Variants in PRDM5 observed in about 807,000 individuals in gnomAD.
PRDM5 encodes PR domain zinc finger protein 5.
Under a neutral mutation model 81.2 loss-of-function variants are expected in PRDM5, and 56 were observed. The observed-to-expected ratio is 0.69, with a 90% CI of 0.56 to 0.86. PRDM5 has a LOEUF of 0.86. PRDM5 is among the 40% of genes least tolerant of loss of function. The pLI is 0.00. For missense variants in PRDM5, 697 were observed against 770.1 expected (o/e 0.91, Z 1.12); for synonymous variants, 267 against 256.4 (o/e 1.04, Z -0.39).
chr4:120,806,048 C>T (rs1299951032), intron 8 of PRDM5, among the ~76,000 whole-genome samples: 1 of 152,090 alleles, frequency 6.6e-6, no homozygotes, highest in Non-Finnish European at 1.5e-5. Flanking sequence ...TTCTTATACA[C>T]CAATAACAGA....
chr4:120,698,980 A>G (rs34563379), intron 15 of PRDM5, among the ~76,000 whole-genome samples: 26,156 of 151,576 alleles, frequency 0.17, 2,584 homozygotes, highest in Non-Finnish European at 0.24. Flanking sequence ...CACATGTACT[A>G]CTGTATTTAT....
intron 13 of PRDM5, among the ~76,000 whole-genome samples, chr4:120,765,300 T>C (rs1423715944): frequency 1.3e-5 from 2 of 152,206 alleles, no homozygotes; most frequent in Non-Finnish European, 2.9e-5. Context: ...GCCTACACAG[T>C]CGGTATCTAT....
intron 3 of PRDM5, among the ~76,000 whole-genome samples, chr4:120,831,829 A>T (rs998940470): frequency 5.4e-4 from 82 of 152,174 alleles, no homozygotes; most frequent in African/African-American, 1.9e-3. Context: ...ATAAAACTTA[A>T]GGTAAAATAA....
intron 14 of PRDM5, among the ~76,000 whole-genome samples, chr4:120,734,421 T>C (rs62325561): frequency 1.9e-3 from 263 of 138,146 alleles, no homozygotes; most frequent in Middle Eastern, 7.0e-3. Context: ...CACACACAAA[T>C]ACACACACAC....
At chr4:120,853,606 G>A in intron 2 of PRDM5, 66 bp from the exon 3 acceptor site, 2 of 1,602,164 alleles carry the variant, frequency 1.2e-6, no homozygotes, top group Non-Finnish European at 1.7e-6. Context: ...ACACATCAAG[G>A]TTAGGACATG....
At chr4:120,809,258 G>A (rs113262750) in intron 8 of PRDM5, among the ~76,000 whole-genome samples, 2 of 138,252 alleles carry the variant, frequency 1.4e-5, no homozygotes. Flanking sequence ...TGAGGGGAGG[G>A]GGGAGGGATA....
At chr4:120,709,681 G>A (rs1019394750) in intron 15 of PRDM5, among the ~76,000 whole-genome samples, 1 of 146,602 alleles carries the variant, frequency 6.8e-6, no homozygotes, top group African/African-American at 2.5e-5. Flanking sequence ...TCTGTCAACT[G>A]CCAATCCCGC....
chr4:120,821,089 C>T, intron 4 of PRDM5, 82 bp downstream of exon 4: 3 of 1,455,664 alleles, frequency 2.1e-6, no homozygotes, highest in Non-Finnish European at 2.9e-6. Context: ...TATTACAAGG[C>T]AACTATAATT....
At chr4:120,894,503 G>GT (rs1403180626) in intron 2 of PRDM5, among the ~76,000 whole-genome samples, 1 of 152,098 alleles carries the variant, frequency 6.6e-6, no homozygotes, top group African/African-American at 2.4e-5. Flanking sequence ...TAAAGTCTCA[G>GT]TTTTTGCTTG....
chr4:120,745,405 C>A (rs1194624843), intron 14 of PRDM5, among the ~76,000 whole-genome samples: 1 of 139,194 alleles, frequency 7.2e-6, no homozygotes, highest in Non-Finnish European at 1.5e-5. Flanking sequence ...CACTCCTATT[C>A]AACATAGTGT....
intron 3 of PRDM5, among the ~76,000 whole-genome samples, chr4:120,842,106 T>A (rs1414850671): frequency 6.6e-6 from 1 of 152,154 alleles, no homozygotes; most frequent in African/African-American, 2.4e-5. Context: ...ATCAACAGAG[T>A]ATCTGAATTA....
Position 120,844,452 on chromosome 4 carries a change from C to T in PRDM5, c.300+8966G>A, listed in dbSNP as rs372243366. On this transcript the variant is annotated intron_variant, in intron 3 of 15. Transcript: ENST00000264808. Reference sequence around the variant, plus strand: ...TACTTCATGCCTCTGCTACTTTTTGCAATATTTCTAACCTTTTTATTATTA... The same window carrying T: ...TACTTCATGCCTCTGCTACTTTTTGTAATATTTCTAACCTTTTTATTATTA... Among the ~76,000 whole-genome samples the T allele has an allele frequency of 7.4e-4, 112 of 152,250 alleles. 2 individuals carry two copies. The highest frequency in any genetic ancestry group is 2.6e-3 in the African/African-American group (109 of 41,550).
intron 1 of PRDM5, among the ~76,000 whole-genome samples, chr4:120,921,970 C>T (rs1436579866): frequency 6.6e-6 from 1 of 152,204 alleles, no homozygotes; most frequent in Non-Finnish European, 1.5e-5. Flanking sequence ...GGAAGGAAAT[C>T]CTGGGCGTAT....
intron 10 of PRDM5, among the ~76,000 whole-genome samples, chr4:120,788,080 A>G (rs1444132307): frequency 6.6e-6 from 1 of 152,316 alleles, no homozygotes; most frequent in East Asian, 1.9e-4. Flanking sequence ...ATGTGGTTCT[A>G]TGTACCAAAA....
chr4:120,687,748 A>G (rs759712506), downstream of PRDM5, among the ~76,000 whole-genome samples: 9 of 152,134 alleles, frequency 5.9e-5, no homozygotes, highest in Non-Finnish European at 8.8e-5. Context: ...CTCTGCCCTT[A>G]TGAGTGAATT....
intron 3 of PRDM5, among the ~76,000 whole-genome samples, chr4:120,852,728 T>C (rs1410880731): frequency 1.3e-5 from 2 of 150,916 alleles, no homozygotes; most frequent in South Asian, 4.2e-4. Flanking sequence ...TACAAATACA[T>C]ATATACACAC....
intron 8 of PRDM5, among the ~76,000 whole-genome samples, chr4:120,807,618 G>T (rs1753170342): frequency 6.6e-6 from 1 of 152,154 alleles, no homozygotes; most frequent in Admixed American, 6.5e-5. Context: ...TCCGGAATTG[G>T]TGGGTTCTTG....
At chr4:120,745,017 A>T (rs1290348510) in intron 14 of PRDM5, among the ~76,000 whole-genome samples, 3 of 149,676 alleles carry the variant, frequency 2.0e-5, no homozygotes, top group Non-Finnish European at 3.0e-5. Flanking sequence ...ATTAACACTG[A>T]TGCAAAAATC....
chr4:120,779,858 C>T (rs1198930959), intron 12 of PRDM5, among the ~76,000 whole-genome samples: 1 of 151,794 alleles, frequency 6.6e-6, no homozygotes, highest in Non-Finnish European at 1.5e-5. Context: ...AGCGGAGAGC[C>T]GAGATGGCAC....
Sources: gnomAD v4.1 joint callset for allele counts (sites outside exome capture counted in the v4.1 genomes callset) on GRCh38, gnomAD v4.1.1 for gene constraint, MANE v1.5 for transcripts, NCBI Gene and HGNC (gene_info 2026-07-23, HGNC 2026-07-21) for gene names.